ZFYVE16: variants seen among roughly 807,000 people sequenced by gnomAD.
The protein encoded by ZFYVE16 is zinc finger FYVE domain-containing protein 16.
ZFYVE16 carries 89 observed loss-of-function variants against 138.1 expected under a neutral mutation model. The observed-to-expected ratio is 0.64, with a 90% CI of 0.54 to 0.77. The LOEUF is 0.77. Among genes scored for constraint, ZFYVE16 ranks in the 30% least tolerant of loss-of-function variants. ZFYVE16 has a pLI of 0.00. For synonymous variants in ZFYVE16, 596 were observed against 618.3 expected, an observed-to-expected ratio of 0.96 and a Z score of 0.53; for missense variants, 1,793 against 1,786.7, an observed-to-expected ratio of 1.00 and a Z score of -0.06.
chr5:80,438,955 A>G lies in ZFYVE16; in HGVS notation c.2270A>G (p.Gln757Arg). The G allele has an allele frequency of 1.2e-6, 2 of 1,613,766 alleles. No individual in the cohort carries two copies. The highest frequency in any genetic ancestry group is 2.2e-5 in the South Asian group (2 of 91,038). ...GAAGCTCCAAACTGTATGAACTGCC[A>G]AGTCAAATTTACTTTTACCAAACGG... Reference protein sequence around the residue: ...DSEAPNCMNCQVKFTFTKRRH... With the variant: ...DSEAPNCMNCRVKFTFTKRRH... Residue 757 changes from glutamine (Q) to arginine (R), a missense_variant, in exon 4 of 19, where the codon CAA becomes CGA. By Grantham distance (43) the Gln-to-Arg change is conservative (BLOSUM62 1). Around this residue, in one of 2 missense-constraint regions of ZFYVE16, gnomAD observed 1,295 missense variants for 1,204.3 expected, o/e 1.08. Coordinates refer to ENST00000505560, the MANE Select transcript of ZFYVE16 (RefSeq NM_001284236.3).
At chr5:80,457,135 A>C in intron 14 of ZFYVE16, 43 bp downstream of exon 14, 2 of 1,590,262 alleles carry the variant, frequency 1.3e-6, no homozygotes, top group Non-Finnish European at 1.7e-6. Context: ...AAACCACCTC[A>C]ATTAATAGAA....
chr5:80,470,064 C>CGTGTGTGTGTGTGTGTGT (rs369109701), intron 15 of ZFYVE16, among the ~76,000 whole-genome samples: 65 of 59,510 alleles, frequency 1.1e-3, no homozygotes, highest in African/African-American at 2.8e-3. Context: ...TGTATATATA[C>CGTGTGTGTGTGTGTGTGT]GTGTGTGTGT....
At chr5:80,460,489 T>A (rs1752989105) in intron 15 of ZFYVE16, among the ~76,000 whole-genome samples, 1 of 152,176 alleles carries the variant, frequency 6.6e-6, no homozygotes, top group African/African-American at 2.4e-5. Context: ...TCATACAGTT[T>A]CGAAAGATAT....
chr5:80,462,250 A>C (rs1234494211), intron 15 of ZFYVE16, among the ~76,000 whole-genome samples: 1 of 152,196 alleles, frequency 6.6e-6, no homozygotes, highest in Non-Finnish European at 1.5e-5. Context: ...GTAATTTATA[A>C]AAGACAGAGG....
intron 8 of ZFYVE16, among the ~76,000 whole-genome samples, chr5:80,448,948 A>G (rs1490841788): frequency 6.6e-6 from 1 of 152,128 alleles, no homozygotes; most frequent in Admixed American, 6.6e-5. Context: ...TTGTCACTCC[A>G]GGCATTATGT....
chr5:80,453,053 G>A (rs955925404), intron 11 of ZFYVE16, among the ~76,000 whole-genome samples: 1 of 152,084 alleles, frequency 6.6e-6, no homozygotes, highest in Non-Finnish European at 1.5e-5. Flanking sequence ...ATATAATTTG[G>A]TAGGGATTTT....
intron 15 of ZFYVE16, among the ~76,000 whole-genome samples, chr5:80,471,263 C>T (rs1210775248): frequency 6.6e-6 from 1 of 152,154 alleles, no homozygotes; most frequent in Non-Finnish European, 1.5e-5. Context: ...TCTAGCTTCA[C>T]GTCCTGTTTC....
At chr5:80,453,452 T>C (rs1363490946) in intron 11 of ZFYVE16, among the ~76,000 whole-genome samples, 1 of 152,208 alleles carries the variant, frequency 6.6e-6, no homozygotes, top group Non-Finnish European at 1.5e-5. Context: ...TGGCCAGTAG[T>C]ACTTCTAGAT....
In ZFYVE16 at chr5:80,459,492, A is replaced by T; in HGVS notation, c.4022A>T (p.Glu1341Val). 1.2e-6 allele frequency: 2 copies of T among 1,608,174 alleles called. No homozygotes were observed. The highest frequency in any genetic ancestry group is 1.7e-6 in the Non-Finnish European group (2 of 1,177,184). The change falls in exon 15 of 19, where the codon GAA becomes GTA. Residue 1341 changes from glutamate to valine, a missense_variant and splice_region_variant. Coordinates refer to ENST00000505560, the MANE Select transcript of ZFYVE16 (RefSeq NM_001284236.3). ...SGFLAKSSIVEDGLMVQITPE... is the reference protein window; with the variant it reads ...SGFLAKSSIVVDGLMVQITPE... ...TTTCTTGCTAAGTCCAGCATAGTTG[A>T]AGGTATGAATTTCATTTTTAATGGT...
chr5:80,475,325 C>T (rs1228455752), intron 18 of ZFYVE16, among the ~76,000 whole-genome samples: 2 of 152,198 alleles, frequency 1.3e-5, no homozygotes, highest in Admixed American at 6.5e-5. Flanking sequence ...AGGACCACCT[C>T]GCTGAATATT....
chr5:80,414,781 G>A (rs966266476), intron 1 of ZFYVE16, among the ~76,000 whole-genome samples: 2 of 152,164 alleles, frequency 1.3e-5, no homozygotes, highest in African/African-American at 4.8e-5. Context: ...AGTTTGTAAA[G>A]TAAATAACTG....
Position 80,483,363 on chromosome 5 carries a change from A to G in ZFYVE16, c.*5986A>G, listed in dbSNP as rs1755338747. 6.6e-6 allele frequency among the ~76,000 whole-genome samples: 1 copy of G among 152,192 alleles called. No homozygotes were observed. Among genetic ancestry groups the G allele is most frequent in the African/African-American group, 2.4e-5 (1 of 41,440 alleles). The stretch of plus-strand genomic sequence containing the variant: ...TAAAATATATGTAACTGCTGAAATA[A>G]AAAAATTGTAACATCATCTTTTGGG... On this transcript the variant is annotated 3_prime_UTR_variant, in exon 19 of 19. Coordinates refer to ENST00000505560, the MANE Select transcript of ZFYVE16 (RefSeq NM_001284236.3).
chr5:80,477,331 C>G lies in ZFYVE16; in HGVS notation c.4574C>G (p.Pro1525Arg). The change falls in exon 19 of 19, where the codon CCA becomes CGA. Residue 1525 changes from proline to arginine, a missense_variant. By Grantham distance (103) the Pro-to-Arg change is moderately radical. This residue lies in a region of ZFYVE16 where 498 missense variants were observed against 582.4 expected (regional missense o/e 0.86). Transcript: ENST00000505560. ...GGTGGGACCTCCAACTCTAGTTTAC[C>G]ATTAGAAATAGAATTAGTGTTTTTC... Reference protein sequence around the residue: ...IHGGTSNSSLPLEIELVFFII... With the variant: ...IHGGTSNSSLRLEIELVFFII... 6.2e-7 allele frequency: 1 copy of G among 1,609,024 alleles called. No homozygotes were observed. Among genetic ancestry groups the G allele is most frequent in the Non-Finnish European group, 8.5e-7 (1 of 1,178,210 alleles).
intron 1 of ZFYVE16, among the ~76,000 whole-genome samples, chr5:80,419,861 G>A (rs1746832757): frequency 6.6e-6 from 1 of 151,842 alleles, no homozygotes; most frequent in South Asian, 2.1e-4. Context: ...ACCCAGGCTG[G>A]AGTGCAGTGG....
chr5:80,461,421 G>A (rs1239303056), intron 15 of ZFYVE16, among the ~76,000 whole-genome samples: 3 of 152,096 alleles, frequency 2.0e-5, no homozygotes, highest in Non-Finnish European at 4.4e-5. Flanking sequence ...AAATAATTAT[G>A]TCTACTCTTT....
chr5:80,426,288 AT>A (rs1561246510), intron 1 of ZFYVE16, among the ~76,000 whole-genome samples: 1,809 of 141,272 alleles, frequency 0.013, 18 homozygotes, highest in East Asian at 0.026. Flanking sequence ...ATATATATAT[AT>A]ATATAATTAA....
intron 2 of ZFYVE16, among the ~76,000 whole-genome samples, chr5:80,428,905 A>T (rs559305377): frequency 1.3e-5 from 2 of 152,330 alleles, no homozygotes; most frequent in South Asian, 4.1e-4. Context: ...AAGTTTAGAG[A>T]AAAAAGAATA....
intron 15 of ZFYVE16, among the ~76,000 whole-genome samples, chr5:80,471,098 T>A (rs1357770604): frequency 5.3e-5 from 8 of 152,156 alleles, no homozygotes; most frequent in African/African-American, 7.2e-5. Flanking sequence ...GAATGGAATG[T>A]GACCCTTGTG....
chr5:80,417,366 C>T (rs1266388047), intron 1 of ZFYVE16, among the ~76,000 whole-genome samples: 1 of 152,116 alleles, frequency 6.6e-6, no homozygotes, highest in Non-Finnish European at 1.5e-5. Context: ...CCCCCATTCT[C>T]CTAAATAATT....
Sources: allele counts gnomAD v4.1 joint callset (sites outside exome capture counted in the v4.1 genomes callset), GRCh38; gene constraint gnomAD v4.1.1; regional missense constraint gnomAD v4.1.1; transcripts MANE v1.5; gene names NCBI Gene and HGNC (gene_info 2026-07-23, HGNC 2026-07-21).